Variants in BCAS3 observed in about 807,000 individuals in gnomAD.
The protein encoded by BCAS3 is BCAS4/BCAS3 fusion.
Under a neutral mutation model 116.1 loss-of-function variants are expected in BCAS3, and 53 were observed. That is an observed-to-expected ratio of 0.46 (90% CI 0.37 to 0.57). BCAS3 has a LOEUF of 0.57. Ranked by LOEUF, BCAS3 falls within the 20% of genes least tolerant of loss-of-function variation. BCAS3 has a pLI of 0.00. For missense variants in BCAS3, 917 were observed against 1,165.4 expected, an observed-to-expected ratio of 0.79 and a Z score of 3.10; for synonymous variants, 391 against 408.2, an observed-to-expected ratio of 0.96 and a Z score of 0.51.
rs2051027664 is a variant in BCAS3 at position 61,279,224 on chromosome 17, G to A, written c.2426-89103G>A. Among the ~76,000 whole-genome samples the A allele has an allele frequency of 6.6e-6, 1 of 152,146 alleles. No homozygotes were observed. The highest frequency in any genetic ancestry group is 6.5e-5 in the Admixed American group (1 of 15,274). ...GGCCTCCCAAAGTGTTGGGATTACA[G>A]GCATGAGCCACCATACCTAGCCTGA... is the stretch of plus-strand genomic sequence containing the variant. On this transcript the variant is annotated intron_variant, in intron 22 of 23. Coordinates refer to ENST00000407086, the MANE Select transcript of BCAS3 (RefSeq NM_017679.5). The surrounding 1 kb of genome is among the most constrained non-coding windows in gnomAD (Gnocchi z 4.4).
At chr17:60,754,494 C>T (rs945213001) in intron 6 of BCAS3, among the ~76,000 whole-genome samples, 1 of 152,152 alleles carries the variant, frequency 6.6e-6, no homozygotes, top group Admixed American at 6.5e-5. Context: ...GCCTCGGCTT[C>T]CCAAAGTACA....
chr17:60,820,242 T>C (rs537751037), intron 7 of BCAS3, among the ~76,000 whole-genome samples: 1 of 152,200 alleles, frequency 6.6e-6, no homozygotes, highest in African/African-American at 2.4e-5. Flanking sequence ...TAATTTTTTG[T>C]ATTTTTAGTA....
intron 15 of BCAS3, among the ~76,000 whole-genome samples, chr17:61,015,549 G>A (rs1471843394): frequency 6.6e-6 from 1 of 152,132 alleles, no homozygotes; most frequent in Non-Finnish European, 1.5e-5. Context: ...AAGGTGCTGG[G>A]ATTACAGTCA....
rs1250867867 is a variant in BCAS3 at position 61,106,098 on chromosome 17, C to A, written c.2425+21534C>A. Among the ~76,000 whole-genome samples, 2 of 152,224 alleles carry A rather than the reference C, an allele frequency of 1.3e-5. No homozygotes were observed. Among genetic ancestry groups the A allele is most frequent in the East Asian group, 3.9e-4 (2 of 5,174 alleles). The stretch of plus-strand genomic sequence containing the variant: ...TAACCTTTATTTTACTTAATGGCCC[C>A]AAAGCACAAGGGTTGATGCTGGCAT... On this transcript the variant is annotated intron_variant, in intron 22 of 23. Coordinates refer to ENST00000407086, the MANE Select transcript of BCAS3 (RefSeq NM_017679.5). This position sits in a 1 kb window ranked among gnomAD's most constrained non-coding sequence, Gnocchi z 4.2.
Position 61,162,167 on chromosome 17 carries a change from A to T in BCAS3, c.2425+77603A>T, listed in dbSNP as rs2078206413. Among the ~76,000 whole-genome samples, 1 of 152,212 alleles carries T rather than the reference A, an allele frequency of 6.6e-6. No homozygotes were observed. The highest frequency in any genetic ancestry group is 1.5e-5 in the Non-Finnish European group (1 of 68,038). ...TTTTTCTTCAGTAAAAATTGAAGAT[A>T]TTTTATTGGGAAATATCCTGGGTAA... On this transcript the variant is annotated intron_variant, in intron 22 of 23. Transcript: ENST00000407086. The surrounding 1 kb of genome is among the most constrained non-coding windows in gnomAD (Gnocchi z 5.6).
At chr17:60,716,760 A>G (rs1232825826) in intron 5 of BCAS3, among the ~76,000 whole-genome samples, 1 of 152,166 alleles carries the variant, frequency 6.6e-6, no homozygotes, top group African/African-American at 2.4e-5. Flanking sequence ...CTTTATGGTC[A>G]TATAATTTGG....
intron 7 of BCAS3, among the ~76,000 whole-genome samples, chr17:60,839,481 C>A (rs952064472): frequency 6.6e-6 from 1 of 151,960 alleles, no homozygotes; most frequent in Non-Finnish European, 1.5e-5. Flanking sequence ...ATAAGTTGTG[C>A]GAGTGTCGGA....
chr17:61,288,260 T>C (rs920222187), intron 22 of BCAS3, among the ~76,000 whole-genome samples: 1 of 152,216 alleles, frequency 6.6e-6, no homozygotes, highest in African/African-American at 2.4e-5. Flanking sequence ...CGGTAGTGAA[T>C]TTTGTGACCT....
intron 19 of BCAS3, among the ~76,000 whole-genome samples, chr17:61,053,044 G>A (rs2069029500): frequency 6.6e-6 from 1 of 151,998 alleles, no homozygotes; most frequent in Non-Finnish European, 1.5e-5. Flanking sequence ...GAATAGCTGG[G>A]CTGTCTATTG....
chr17:61,351,737 G>C, intron 22 of BCAS3, among the ~76,000 whole-genome samples: 1 of 152,296 alleles, frequency 6.6e-6, no homozygotes, highest in East Asian at 1.9e-4. Flanking sequence ...TTAACCAGGA[G>C]GATGTAAGGA....
intron 6 of BCAS3, among the ~76,000 whole-genome samples, chr17:60,759,268 T>G (rs573849686): frequency 1.5e-3 from 222 of 152,326 alleles, no homozygotes; most frequent in South Asian, 6.0e-3. Flanking sequence ...TTCTATGTGT[T>G]GATAAGAATG....
At chr17:61,317,125 CTTATATA>C (rs967731302) in intron 22 of BCAS3, among the ~76,000 whole-genome samples, 35 of 152,290 alleles carry the variant, frequency 2.3e-4, no homozygotes, top group African/African-American at 8.2e-4. Flanking sequence ...ATTTAGTATA[CTTATATA>C]TTATATCCAT....
chr17:60,949,416 C>A (rs879264178), intron 14 of BCAS3, among the ~76,000 whole-genome samples: 25 of 152,104 alleles, frequency 1.6e-4, no homozygotes, highest in Admixed American at 1.6e-3. Context: ...TGCCACCACA[C>A]CTGGCAATTT....
rs2077079874 is a variant in BCAS3, at chr17:61,144,268, C to A, written c.2425+59704C>A. ...GACTTCATTTCTTTCTCTGAAGACA[C>A]AACTATCAGCAAATCCATATAAGGC... On this transcript the variant is annotated intron_variant, in intron 22 of 23. Transcript: ENST00000407086. The surrounding 1 kb of genome is among the most constrained non-coding windows in gnomAD (Gnocchi z 5.0). Among the ~76,000 whole-genome samples, 1 of 152,054 alleles carries A rather than the reference C, an allele frequency of 6.6e-6. No individual in the cohort carries two copies. Among genetic ancestry groups the A allele is most frequent in the South Asian group, 2.1e-4 (1 of 4,824 alleles).
chr17:61,165,660 T>C (rs1289935364), intron 22 of BCAS3, among the ~76,000 whole-genome samples: 1 of 152,208 alleles, frequency 6.6e-6, no homozygotes, highest in East Asian at 1.9e-4. Flanking sequence ...CACTCCAGTC[T>C]GGGTAACAAG....
Position 60,939,003 on chromosome 17 carries a change from T to C in BCAS3, c.1088-8216T>C, listed in dbSNP as rs928878602. Among the ~76,000 whole-genome samples the C allele has an allele frequency of 2.1e-4, 32 of 152,212 alleles. 1 individual carries two copies. The highest frequency in any genetic ancestry group is 8.8e-5 in the Non-Finnish European group (6 of 68,042). On this transcript the variant is annotated intron_variant, in intron 13 of 23. Transcript: ENST00000407086. ...TATACAACCACATTGGAAAATAGTTTGGCAGTTTCTTATAAATATTTAATA... is the reference window on the plus strand; with the variant it reads ...TATACAACCACATTGGAAAATAGTTCGGCAGTTTCTTATAAATATTTAATA...
At chr17:61,310,731 C>T (rs1691932160) in intron 22 of BCAS3, among the ~76,000 whole-genome samples, 1 of 152,174 alleles carries the variant, frequency 6.6e-6, no homozygotes, top group Non-Finnish European at 1.5e-5. Flanking sequence ...GTGCCCCGCC[C>T]TCCAAGAGCT....
Position 61,001,628 on chromosome 17 carries a change from A to G in BCAS3, c.1486+11393A>G, listed in dbSNP as rs185946252. ...TTATGCCTCATATGACATAGAGTAT[A>G]TAAATAGTATAAACATGTTAAATGG... is the stretch of plus-strand genomic sequence containing the variant. On this transcript the variant is annotated intron_variant, in intron 15 of 23. Transcript: ENST00000407086. Among the ~76,000 whole-genome samples the G allele has an allele frequency of 5.3e-5, 8 of 152,292 alleles. No individual in the cohort carries two copies. The East Asian group carries it at 1.5e-3, about 29-fold the overall frequency.
At chr17:60,814,298 T>TGCACGC (rs778722592) in intron 7 of BCAS3, among the ~76,000 whole-genome samples, 17 of 115,062 alleles carry the variant, frequency 1.5e-4, no homozygotes, top group African/African-American at 8.3e-4. Context: ...TGTGTGTGTG[T>TGCACGC]GTGTGTGTGC....
Sources: gnomAD v4.1 joint callset for allele counts (sites outside exome capture counted in the v4.1 genomes callset) on GRCh38, gnomAD v4.1.1 for gene constraint, Gnocchi (gnomAD v3.1) non-coding constraint, MANE v1.5 for transcripts, NCBI Gene and HGNC (gene_info 2026-07-23, HGNC 2026-07-21) for gene names.